Variants in NDUFA5 observed in about 807,000 individuals in gnomAD.
NDUFA5 encodes NADH dehydrogenase [ubiquinone] 1 alpha subcomplex subunit 5.
Under a neutral mutation model 19.8 loss-of-function variants are expected in NDUFA5, and 11 were observed. The ratio of observed to expected loss-of-function variants is 0.56; its 90% confidence interval spans 0.35 to 0.92. NDUFA5 has a LOEUF of 0.92. NDUFA5 is among the 40% of genes least tolerant of loss of function. The pLI is 0.01. For synonymous variants in NDUFA5, 47 were observed against 46.8 expected (o/e 1.00, Z -0.01); for missense variants, 109 against 134.2 (o/e 0.81, Z 0.93).
chr7:123,571,024 T>C, the NDUFA5 span, among the ~76,000 whole-genome samples: 1 of 152,206 alleles, frequency 6.6e-6, no homozygotes, highest in Non-Finnish European at 1.5e-5. Flanking sequence ...TGACAGTGGT[T>C]CAAGAACCCC....
chr7:123,575,840 C>G, the NDUFA5 span, among the ~76,000 whole-genome samples: 1 of 145,362 alleles, frequency 6.9e-6, no homozygotes, highest in East Asian at 2.0e-4. Flanking sequence ...TTGAAATCCA[C>G]TGACACTCCT....
At chr7:123,566,312 C>G in the NDUFA5 span, among the ~76,000 whole-genome samples, 1 of 152,200 alleles carries the variant, frequency 6.6e-6, no homozygotes, top group African/African-American at 2.4e-5. Context: ...TCAGAAGGAA[C>G]TAACACTGTC....
chr7:123,584,566 T>G, the NDUFA5 span, among the ~76,000 whole-genome samples: 1 of 151,926 alleles, frequency 6.6e-6, no homozygotes, highest in Admixed American at 6.6e-5. Context: ...ATAATATTTC[T>G]TATAAGGTTT....
chr7:123,564,012 T>C, the NDUFA5 span, among the ~76,000 whole-genome samples: 1 of 152,236 alleles, frequency 6.6e-6, no homozygotes, highest in Admixed American at 6.5e-5. Flanking sequence ...TAATATTCTA[T>C]ACTTCTGAAT....
chr7:123,545,824 C>T, intron 3 of NDUFA5, 148 bp from the exon 4 acceptor site: 2 of 567,674 alleles, frequency 3.5e-6, no homozygotes, highest in Non-Finnish European at 6.1e-6. Context: ...GGTGAAAATT[C>T]ATTTCACCTC....
chr7:123,577,703 G>A, the NDUFA5 span, among the ~76,000 whole-genome samples: 3 of 151,984 alleles, frequency 2.0e-5, no homozygotes, highest in African/African-American at 7.2e-5. Flanking sequence ...TCCGTTATTA[G>A]ATTTTCTTTG....
At chr7:123,599,047 G>A in the NDUFA5 span, 2 of 152,096 alleles carry the variant, frequency 1.3e-5, no homozygotes, top group Admixed American at 6.6e-5. Flanking sequence ...CTTTTCTACT[G>A]TTTTATGCCT....
At chr7:123,596,170 G>GA in the NDUFA5 span, among the ~76,000 whole-genome samples, 2 of 76,458 alleles carry the variant, frequency 2.6e-5, no homozygotes, top group African/African-American at 4.9e-5. Flanking sequence ...TCTTATATTG[G>GA]AAAAAAAAAT....
chr7:123,566,988 T>C, the NDUFA5 span: 1 of 152,196 alleles, frequency 6.6e-6, no homozygotes, highest in Non-Finnish European at 1.5e-5. Flanking sequence ...TCATGAAAGA[T>C]GCATATGTGT....
At chr7:123,561,325 T>G (rs1798685168), upstream of NDUFA5, among the ~76,000 whole-genome samples, 1 of 152,246 alleles carries the variant, frequency 6.6e-6, no homozygotes, top group Non-Finnish European at 1.5e-5. Flanking sequence ...TTAAACAATA[T>G]TCACAGTATC....
At chr7:123,581,332 A>T in the NDUFA5 span, among the ~76,000 whole-genome samples, 1 of 151,716 alleles carries the variant, frequency 6.6e-6, no homozygotes, top group Non-Finnish European at 1.5e-5. Flanking sequence ...ATCAAATAAC[A>T]GCATCATTTT....
chr7:123,564,388 G>T, the NDUFA5 span, among the ~76,000 whole-genome samples: 1 of 152,020 alleles, frequency 6.6e-6, no homozygotes, highest in African/African-American at 2.4e-5. Flanking sequence ...CACTCAAGCT[G>T]TAAAAGTCAA....
rs1797894435 is a variant in NDUFA5 at position 123,540,626 on chromosome 7, T to C, written c.*1493A>G. 1.3e-5 allele frequency: 2 copies of C among 152,202 alleles called. No individual in the cohort carries two copies. Among genetic ancestry groups the C allele is most frequent in the East Asian group, 3.9e-4 (2 of 5,180 alleles). The allele number at this position is 152,202 out of a possible 1,614,324, so 9.4% of individuals were successfully genotyped here. ...CTTTTGCAGCATTAGAAATAGGCCA[T>C]TCTGAGAAACAGGCCAAACTTGCCT... On this transcript the variant is annotated 3_prime_UTR_variant, in exon 5 of 5. Coordinates refer to ENST00000355749, the MANE Select transcript of NDUFA5 (RefSeq NM_005000.5).
the NDUFA5 span, among the ~76,000 whole-genome samples, chr7:123,584,418 G>T: frequency 6.6e-6 from 1 of 151,664 alleles, no homozygotes; most frequent in Non-Finnish European, 1.5e-5. Context: ...GTTTTCTAAA[G>T]CTCCCCAGGT....
chr7:123,557,826 C>T, upstream of NDUFA5: 1 of 1,614,070 alleles, frequency 6.2e-7, no homozygotes, highest in East Asian at 2.2e-5. Flanking sequence ...GACGCACAAC[C>T]CTTTGGGAAC....
chr7:123,559,913 C>T (rs1183910082), upstream of NDUFA5, among the ~76,000 whole-genome samples: 1 of 150,454 alleles, frequency 6.6e-6, no homozygotes, highest in African/African-American at 2.4e-5. Context: ...GGCCAATATC[C>T]CTTATTAATA....
chr7:123,550,144 A>T (rs1375379189), intron 3 of NDUFA5: 4 of 188,924 alleles, frequency 2.1e-5, no homozygotes, highest in African/African-American at 9.6e-5. Context: ...CTAAGATTAG[A>T]AAAAGGAGAT....
At chr7:123,561,583 T>G (rs919186763), upstream of NDUFA5, among the ~76,000 whole-genome samples, 1 of 148,554 alleles carries the variant, frequency 6.7e-6, no homozygotes, top group Non-Finnish European at 1.5e-5. Flanking sequence ...AATATTGATA[T>G]TTTGACCTCC....
At chr7:123,562,099 C>T (rs1608860), upstream of NDUFA5, among the ~76,000 whole-genome samples, 16,717 of 152,058 alleles carry the variant, frequency 0.11, 1,111 homozygotes, top group South Asian at 0.18. Context: ...GCATGTTGTG[C>T]GTGAAAACAA....
Sources: allele counts gnomAD v4.1 joint callset (sites outside exome capture counted in the v4.1 genomes callset), GRCh38; gene constraint gnomAD v4.1.1; transcripts MANE v1.5; gene names NCBI Gene and HGNC (gene_info 2026-07-23, HGNC 2026-07-21).